GPC5: variants seen among roughly 807,000 people sequenced by gnomAD.
The protein encoded by GPC5 is glypican-5.
A neutral mutation model predicts 53.9 loss-of-function variants in GPC5; 47 were observed. The ratio of observed to expected loss-of-function variants is 0.87; its 90% confidence interval spans 0.69 to 1.11. The LOEUF is 1.11. Among genes scored for constraint, GPC5 ranks in the 50% most tolerant of loss-of-function variants. GPC5 has a pLI of 0.00. For missense variants in GPC5, 748 were observed against 713.1 expected, an observed-to-expected ratio of 1.05 and a Z score of -0.56; for synonymous variants, 286 against 263.3, an observed-to-expected ratio of 1.09 and a Z score of -0.84.
chr13:92,726,379 T>G (rs935296618), intron 7 of GPC5, among the ~76,000 whole-genome samples: 3 of 151,522 alleles, frequency 2.0e-5, no homozygotes, highest in African/African-American at 7.3e-5. Context: ...TACTATTTTT[T>G]TGTGTTTGTT....
At chr13:92,549,553 G>A (rs575660792) in intron 7 of GPC5, among the ~76,000 whole-genome samples, 6 of 152,046 alleles carry the variant, frequency 3.9e-5, no homozygotes, top group African/African-American at 1.4e-4. Flanking sequence ...TATGTCTCAT[G>A]CCACATCCTG....
intron 5 of GPC5, among the ~76,000 whole-genome samples, chr13:91,775,684 A>G (rs1212065863): frequency 6.6e-6 from 1 of 152,166 alleles, no homozygotes; most frequent in Non-Finnish European, 1.5e-5. Flanking sequence ...GACTTGATCA[A>G]CTGATCATTT....
chr13:91,513,980 T>C (rs750538041), intron 2 of GPC5, among the ~76,000 whole-genome samples: 5 of 152,252 alleles, frequency 3.3e-5, no homozygotes, highest in Non-Finnish European at 7.3e-5. Flanking sequence ...ATTGATAGTT[T>C]GTCCTTTTTA....
intron 7 of GPC5, chr13:92,240,607 G>A (rs1353701671): frequency 2.0e-5 from 3 of 152,228 alleles, no homozygotes; most frequent in Non-Finnish European, 4.4e-5. Flanking sequence ...AGGTTTAAGC[G>A]ATTCTCCTGC....
chr13:91,747,023 A>G (rs1442759113), intron 4 of GPC5, among the ~76,000 whole-genome samples: 1 of 152,186 alleles, frequency 6.6e-6, no homozygotes, highest in African/African-American at 2.4e-5. Flanking sequence ...GCTGAAGAAT[A>G]AGATAAACAC....
In GPC5 at chr13:92,141,247, TG is replaced by T. The variant is rs1255434833; in HGVS notation, c.1402-3582del. ...TAATTGAAAAGCGAGAAAATGAAAA[TG>T]ATCAGGCAGAGCCTCCATGCAAAGG... On this transcript the variant is annotated intron_variant, in intron 6 of 7. Transcript: ENST00000377067. 5.3e-5 allele frequency among the ~76,000 whole-genome samples: 8 copies of T among 152,030 alleles called. No homozygotes were observed. The East Asian group carries it at 1.5e-3, about 29-fold the overall frequency.
At chr13:92,796,641 C>T (rs1876696039) in intron 7 of GPC5, among the ~76,000 whole-genome samples, 1 of 152,026 alleles carries the variant, frequency 6.6e-6, no homozygotes, top group Admixed American at 6.6e-5. Context: ...TACCATCCAC[C>T]TTATTCAAAA....
chr13:91,870,265 A>C (rs984274767), intron 5 of GPC5, among the ~76,000 whole-genome samples: 4 of 152,206 alleles, frequency 2.6e-5, no homozygotes, highest in African/African-American at 9.7e-5. Context: ...CAAGAACAAG[A>C]GAATGGTTTG....
chr13:92,074,163 C>T (rs943046132), intron 6 of GPC5, among the ~76,000 whole-genome samples: 1 of 152,072 alleles, frequency 6.6e-6, no homozygotes, highest in African/African-American at 2.4e-5. Flanking sequence ...GGAGCAGAAG[C>T]CAAATCGCTG....
At chr13:92,291,645 C>T (rs1463692280) in intron 7 of GPC5, among the ~76,000 whole-genome samples, 1 of 152,110 alleles carries the variant, frequency 6.6e-6, no homozygotes, top group African/African-American at 2.4e-5. Context: ...TGGCAACCCG[C>T]TAGGGTCCCC....
At chr13:92,839,046 C>T (rs1367600061) in intron 7 of GPC5, among the ~76,000 whole-genome samples, 3 of 152,226 alleles carry the variant, frequency 2.0e-5, no homozygotes, top group African/African-American at 7.2e-5. Flanking sequence ...CTAATAGGAA[C>T]TTAAACCACT....
chr13:92,435,874 A>G (rs977572352), intron 7 of GPC5, among the ~76,000 whole-genome samples: 3 of 152,228 alleles, frequency 2.0e-5, no homozygotes, highest in Admixed American at 6.5e-5. Context: ...ATTTTAAGAC[A>G]CTTAATTCAA....
chr13:92,792,831 C>A (rs1876512974), intron 7 of GPC5, among the ~76,000 whole-genome samples: 1 of 152,132 alleles, frequency 6.6e-6, no homozygotes, highest in Admixed American at 6.6e-5. Flanking sequence ...ACAAGAAGAG[C>A]TAATTATCCT....
At chr13:92,171,611 A>G (rs1695213380) in intron 7 of GPC5, among the ~76,000 whole-genome samples, 1 of 152,170 alleles carries the variant, frequency 6.6e-6, no homozygotes. Context: ...TCCACAATTG[A>G]CAATGTCAAT....
intron 7 of GPC5, among the ~76,000 whole-genome samples, chr13:92,519,681 G>T (rs996272750): frequency 4.6e-5 from 7 of 152,142 alleles, no homozygotes; most frequent in African/African-American, 1.2e-4. Context: ...AAGCAGGAAA[G>T]ATCTAAAATT....
intron 7 of GPC5, among the ~76,000 whole-genome samples, chr13:92,461,864 A>AT (rs1878494910): frequency 6.6e-6 from 1 of 152,174 alleles, no homozygotes; most frequent in Non-Finnish European, 1.5e-5. Context: ...GTCTGTGGTA[A>AT]TTTGTTACAA....
intron 7 of GPC5, among the ~76,000 whole-genome samples, chr13:92,434,630 A>G (rs545864254): frequency 1.1e-4 from 17 of 152,308 alleles, no homozygotes; most frequent in African/African-American, 4.1e-4. Context: ...ATCTGATACT[A>G]TACAGGTTAA....
At chr13:92,410,217 A>ATTGT (rs1384844900) in intron 7 of GPC5, among the ~76,000 whole-genome samples, 1 of 152,206 alleles carries the variant, frequency 6.6e-6, no homozygotes, top group Non-Finnish European at 1.5e-5. Flanking sequence ...ACCTGAATAT[A>ATTGT]CTAATTTTCA....
At chr13:92,429,831 A>C (rs935916535) in intron 7 of GPC5, among the ~76,000 whole-genome samples, 1 of 152,156 alleles carries the variant, frequency 6.6e-6, no homozygotes, top group East Asian at 1.9e-4. Flanking sequence ...GCGTAATACT[A>C]ATTTTTTTAC....
Sources: allele counts gnomAD v4.1 joint callset (sites outside exome capture counted in the v4.1 genomes callset), GRCh38; gene constraint gnomAD v4.1.1; transcripts MANE v1.5; gene names NCBI Gene and HGNC (gene_info 2026-07-23, HGNC 2026-07-21).